The following ABCA6 variants were observed in gnomAD, a reference collection of about 807,000 sequenced individuals.
The protein encoded by ABCA6 is ATP binding cassette subfamily A member 6, also known as ATP-binding cassette sub-family A member 6.
ABCA6 carries 164 observed loss-of-function variants against 191.2 expected under a neutral mutation model. The observed-to-expected ratio is 0.86, with a 90% CI of 0.76 to 0.98. The LOEUF (loss-of-function observed/expected upper bound fraction) is 0.98, where lower values mean the gene tolerates loss of function less well. Among genes scored for constraint, ABCA6 ranks in the 50% least tolerant of loss-of-function variants. The probability of loss-of-function intolerance (pLI) is 0.00; values close to 1 mark genes in which losing one functional copy is unlikely to be tolerated. For synonymous variants in ABCA6, 636 were observed against 647.7 expected (o/e 0.98, Z 0.27); for missense variants, 1,958 against 1,894.1 (o/e 1.03, Z -0.63).
Position 69,081,164 on chromosome 17 carries a change from C to A in ABCA6, c.4617-19G>T, listed in dbSNP as rs202190218. 7 of 1,442,748 alleles carry A rather than the reference C, an allele frequency of 4.9e-6. No homozygotes were observed. The South Asian group carries it at 6.4e-5, about 13-fold the overall frequency. 89.4% of individuals were successfully genotyped at this position (1,442,748 alleles called of 1,614,324 possible). On this transcript the variant is annotated intron_variant, in intron 36 of 38. Coordinates refer to ENST00000284425, the MANE Select transcript of ABCA6 (RefSeq NM_080284.3). ...GGAATACCTGAAAACAGGAAGATGT[C>A]GTTTTCAGCTCTGAGTTTCAAGGGG...
chr17:69,107,565 C>A, intron 18 of ABCA6, 131 bp downstream of exon 18: 1 of 684,578 alleles, frequency 1.5e-6, no homozygotes. Flanking sequence ...CAGCCCATCT[C>A]AAACAGCAGA....
At chr17:69,098,167 G>A (rs929082375) in intron 22 of ABCA6, 140 bp from the exon 23 acceptor site, 2 of 505,100 alleles carry the variant, frequency 4.0e-6, no homozygotes, top group Non-Finnish European at 6.6e-6. Context: ...ACGAAGGTGG[G>A]AGGGAAAGTG....
chr17:69,137,306 A>T lies in ABCA6; in HGVS notation c.291T>A (p.Pro97=). 6.2e-7 allele frequency: 1 copy of T among 1,612,228 alleles called. No homozygotes were observed. Among genetic ancestry groups the T allele is most frequent in the Admixed American group, 1.7e-5 (1 of 59,950 alleles). Residue 97 remains proline (P), a synonymous_variant, in exon 3 of 39, where the codon CCT becomes CCA. Transcript: ENST00000284425. Reference sequence around the variant, plus strand: ...CATGAGTACACCTACCTTTCAAAAGAGGAGCAAGTGCTGTTTTATTCATTA... The same window carrying T: ...CATGAGTACACCTACCTTTCAAAAGTGGAGCAAGTGCTGTTTTATTCATTA... ...QQIMNKTALA[P]LLKGTSVIGA... is the part of the protein sequence containing the mutation.
chr17:69,089,622 C>A, intron 26 of ABCA6, 80 bp from the exon 27 acceptor site: 1 of 1,185,336 alleles, frequency 8.4e-7, no homozygotes, highest in South Asian at 1.4e-5. Context: ...ATATAAAATT[C>A]ACATATTGAA....
intron 29 of ABCA6, 72 bp from the exon 30 acceptor site, chr17:69,086,807 C>T: frequency 8.1e-6 from 8 of 989,486 alleles, no homozygotes; most frequent in Middle Eastern, 2.2e-4. Context: ...ACCTTTCATG[C>T]CTTATGTCAT....
At chr17:69,125,334 A>G (rs2073731127) in intron 8 of ABCA6, among the ~76,000 whole-genome samples, 1 of 151,946 alleles carries the variant, frequency 6.6e-6, no homozygotes, top group South Asian at 2.1e-4. Flanking sequence ...ATTCTGGGCA[A>G]CAAAGGAGAT....
chr17:69,114,142 T>C (rs1335634283), intron 13 of ABCA6, among the ~76,000 whole-genome samples: 3 of 152,078 alleles, frequency 2.0e-5, no homozygotes, highest in Non-Finnish European at 2.9e-5. Flanking sequence ...CTATTCACAA[T>C]AGCAACACTT....
At chr17:69,090,441 T>A (rs989407399) in intron 26 of ABCA6, among the ~76,000 whole-genome samples, 7 of 152,214 alleles carry the variant, frequency 4.6e-5, no homozygotes, top group African/African-American at 1.7e-4. Flanking sequence ...TCCTGTCCCA[T>A]TAACTAATTA....
chr17:69,102,245 C>T (rs1568010526), intron 21 of ABCA6, among the ~76,000 whole-genome samples: 1 of 152,106 alleles, frequency 6.6e-6, no homozygotes, highest in Non-Finnish European at 1.5e-5. Context: ...ACTCTGGAGG[C>T]TGAGGCAGGA....
chr17:69,123,471 G>C (rs1454940442), intron 9 of ABCA6, 64 bp from the exon 10 acceptor site: 1 of 1,185,496 alleles, frequency 8.4e-7, no homozygotes, highest in Non-Finnish European at 1.1e-6. Context: ...AAGAAGCCTT[G>C]CTAACAACAA....
intron 20 of ABCA6, chr17:69,104,817 A>C (rs2073260080): frequency 6.6e-6 from 1 of 151,468 alleles, no homozygotes; most frequent in Admixed American, 6.6e-5. Context: ...AAAAATACAA[A>C]AAAAAAAAAA....
At chr17:69,114,642 G>T in intron 13 of ABCA6, 120 bp downstream of exon 13, 2 of 931,786 alleles carry the variant, frequency 2.1e-6, no homozygotes, top group Non-Finnish European at 3.1e-6. Flanking sequence ...TTTGTTATGG[G>T]ACCTCTTTGC....
chr17:69,079,367 A>G, intron 37 of ABCA6, 102 bp from the exon 38 acceptor site: 1 of 807,720 alleles, frequency 1.2e-6, no homozygotes, highest in Non-Finnish European at 1.9e-6. Context: ...CATTAATATA[A>G]ATAAAGCTGA....
At chr17:69,080,335 C>T (rs1163661277) in intron 37 of ABCA6, among the ~76,000 whole-genome samples, 4 of 152,084 alleles carry the variant, frequency 2.6e-5, no homozygotes, top group African/African-American at 7.2e-5. Flanking sequence ...CACCCAACGT[C>T]ACCCAGCTAG....
intron 15 of ABCA6, chr17:69,112,549 A>G (rs950725597): frequency 4.6e-5 from 14 of 306,320 alleles, no homozygotes; most frequent in Admixed American, 1.4e-4. Flanking sequence ...GAAACAACAC[A>G]GAAACAGAAA....
chr17:69,100,181 A>AT (rs1309067924), intron 22 of ABCA6, among the ~76,000 whole-genome samples: 5 of 152,172 alleles, frequency 3.3e-5, no homozygotes, highest in Admixed American at 6.6e-5. Flanking sequence ...GAAGGAGGTG[A>AT]TGTGACTGGA....
chr17:69,092,537 A>G (rs1283308210), intron 25 of ABCA6, among the ~76,000 whole-genome samples: 2 of 152,194 alleles, frequency 1.3e-5, no homozygotes, highest in African/African-American at 2.4e-5. Context: ...TCCGTGTGCT[A>G]AGATGTGCTA....
At chr17:69,133,940 G>T in intron 5 of ABCA6, 73 bp from the exon 6 acceptor site, 1 of 1,063,676 alleles carries the variant, frequency 9.4e-7, no homozygotes, top group Non-Finnish European at 1.3e-6. Flanking sequence ...TAAGCTCTGT[G>T]TATTTTACTT....
intron 30 of ABCA6, 124 bp downstream of exon 30, chr17:69,086,486 AATATATAT>A (rs68086602): frequency 8.5e-4 from 138 of 163,046 alleles, no homozygotes; most frequent in Middle Eastern, 5.3e-3. Context: ...TGGCACACTA[AATATATAT>A]ATATATATAT....
Sources: allele counts gnomAD v4.1 joint callset (sites outside exome capture counted in the v4.1 genomes callset), GRCh38; gene constraint gnomAD v4.1.1; transcripts MANE v1.5; gene names NCBI Gene and HGNC (gene_info 2026-07-23, HGNC 2026-07-21).